PLXND1: variants seen among roughly 807,000 people sequenced by gnomAD.
PLXND1 encodes plexin D1, also known as plexin-D1.
In PLXND1, 54 loss-of-function variants were observed where a neutral mutation model predicts 197.7. The observed-to-expected ratio is 0.27, with a 90% CI of 0.22 to 0.34. The LOEUF (loss-of-function observed/expected upper bound fraction) is 0.34. Among genes scored for constraint, PLXND1 ranks in the 10% least tolerant of loss-of-function variants. The pLI is 1.00. For synonymous variants in PLXND1, 1,180 were observed against 1,161.2 expected (o/e 1.02, Z -0.33); for missense variants, 2,127 against 2,699.2 (o/e 0.79, Z 4.70).
rs544615153 is a variant in PLXND1, at chr3:129,556,400, G to A, written c.5690C>T (p.Thr1897Met). The A allele has an allele frequency of 2.7e-5, 43 of 1,614,094 alleles. No individual in the cohort carries two copies. Among genetic ancestry groups the A allele is most frequent in the African/African-American group, 5.3e-5 (4 of 75,064 alleles). Reference protein sequence around the residue: ...QIMAALEANPTARRTQLQHKF... With the variant: ...QIMAALEANPMARRTQLQHKF... The stretch of plus-strand genomic sequence containing the variant: ...GTGCTGCAGTTGTGTCCTCCGGGCC[G>A]TGGGGTTGGCCTCCAGCGCGGCCAT... The change falls in exon 36 of 36, where the codon ACG becomes ATG. Residue 1897 changes from threonine (T) to methionine (M), a missense_variant. Around this residue, in one of 6 missense-constraint regions of PLXND1, gnomAD observed 200 missense variants for 303.3 expected, o/e 0.66. Transcript: ENST00000324093.
rs771856633 is a variant in PLXND1 at position 129,562,906 on chromosome 3, G to A, written c.4706C>T (p.Ser1569Leu). The change falls in exon 27 of 36, where the codon TCG (serine) becomes TTG (leucine). Residue 1569 changes from serine to leucine, a missense_variant. Physicochemically the swap from Ser to Leu is moderately radical, Grantham distance 145. Around this residue, in one of 6 missense-constraint regions of PLXND1, gnomAD observed 532 missense variants for 811.0 expected, o/e 0.66. Transcript: ENST00000324093. ...NVSFQGCGMD[S>L]LSVRAMDTDT... ...GGTGTCCATGGCCCGCACGCTCAGC[G>A]AGTCCATGCCACAGCCCTGGAAGGA... 8.7e-6 allele frequency: 14 copies of A among 1,608,812 alleles called. No individual in the cohort carries two copies. The highest frequency in any genetic ancestry group is 1.7e-5 in the Admixed American group (1 of 59,924).
chr3:129,570,978 C>T (rs758898068), intron 18 of PLXND1, 43 bp from the exon 19 acceptor site: 46 of 1,613,650 alleles, frequency 2.9e-5, no homozygotes, highest in African/African-American at 1.2e-4. Flanking sequence ...GAAGTGCTCC[C>T]GAGGCCCACA....
chr3:129,571,188 G>A lies in PLXND1; in HGVS notation c.3452C>T (p.Ala1151Val), dbSNP rs1578321790. ...INGRAYADEV[A>V]VAEELLDPEE... ...GGGGTCCAGTAGCTCCTCAGCCACA[G>A]CCACCTCGTCTGCGTAGGCCCGCCC... Residue 1151 changes from alanine to valine, a missense_variant, in exon 18 of 36, where the codon GCT becomes GTT. By Grantham distance (64) the Ala-to-Val change is moderately conservative. Coordinates refer to ENST00000324093, the MANE Select transcript of PLXND1 (RefSeq NM_015103.3). The A allele has an allele frequency of 1.9e-6, 3 of 1,614,212 alleles. No homozygotes were observed. The highest frequency in any genetic ancestry group is 1.7e-6 in the Non-Finnish European group (2 of 1,180,028).
At chr3:129,574,586 C>A in intron 11 of PLXND1, 96 bp from the exon 12 acceptor site, 3 of 1,276,274 alleles carry the variant, frequency 2.4e-6, no homozygotes, top group Non-Finnish European at 3.3e-6. Flanking sequence ...AAGAGGTCTG[C>A]GCCCCATCAT....
At position 129,570,810 on chromosome 3, in the gene PLXND1, C is replaced by T. The variant is rs151293415; in HGVS notation, c.3726G>A (p.Ala1242=). 215 of 1,614,040 alleles carry T rather than the reference C, an allele frequency of 1.3e-4. No homozygotes were observed. Among genetic ancestry groups the T allele is most frequent in the Non-Finnish European group, 1.7e-4 (204 of 1,179,986 alleles). Residue 1242 remains alanine (A), a synonymous_variant, in exon 19 of 36, where the codon GCG becomes GCA. Coordinates refer to ENST00000324093, the MANE Select transcript of PLXND1 (RefSeq NM_015103.3). Reference sequence around the variant, plus strand: ...CTGTGATGGGCAGCTGCCCCACGGCCGCGCCCAGGGACTCGTTGACCGAGC... The same window carrying T: ...CTGTGATGGGCAGCTGCCCCACGGCTGCGCCCAGGGACTCGTTGACCGAGC... ...IHCSVNESLG[A]AVGQLPITIQ... is the part of the protein sequence containing the mutation.
intron 14 of PLXND1, 28 bp from the exon 15 acceptor site, chr3:129,572,776 C>T (rs757619157): frequency 6.2e-7 from 1 of 1,602,766 alleles, no homozygotes; most frequent in African/African-American, 1.3e-5. Context: ...GCGTTTGGGC[C>T]TCGGGCCAGC....
chr3:129,563,161 G>A lies in PLXND1; in HGVS notation c.4601C>T (p.Thr1534Ile). 2 of 1,612,138 alleles carry A rather than the reference G, an allele frequency of 1.2e-6. No homozygotes were observed. The highest frequency in any genetic ancestry group is 1.1e-5 in the South Asian group (1 of 90,754). ...ACTGAGTGTGTAGCGGGCCTTGCCTGTGATGGCGTCGATGGAGCCCTTGTT... is the reference window on the plus strand; with the variant it reads ...ACTGAGTGTGTAGCGGGCCTTGCCTATGATGGCGTCGATGGAGCCCTTGTT... Reference protein sequence around the residue: ...QINKGSIDAITGKARYTLSEE... With the variant: ...QINKGSIDAIIGKARYTLSEE... Residue 1534 changes from threonine (T) to isoleucine (I), a missense_variant, in exon 26 of 36, where the codon ACA (threonine) becomes ATA (isoleucine). Transcript: ENST00000324093.
intron 2 of PLXND1, among the ~76,000 whole-genome samples, chr3:129,588,284 G>A (rs1463579252): frequency 2.0e-5 from 3 of 151,900 alleles, no homozygotes; most frequent in Non-Finnish European, 4.4e-5. Context: ...AGGGGTGTGA[G>A]AATTAAGTGA....
In PLXND1 at chr3:129,577,560, C is replaced by T. The variant is rs1444074493; in HGVS notation, c.2346+769G>A. Among the ~76,000 whole-genome samples the T allele has an allele frequency of 6.6e-6, 1 of 152,098 alleles. No individual in the cohort carries two copies. Among genetic ancestry groups the T allele is most frequent in the African/African-American group, 2.4e-5 (1 of 41,452 alleles). On this transcript the variant is annotated intron_variant, in intron 9 of 35. Coordinates refer to ENST00000324093, the MANE Select transcript of PLXND1 (RefSeq NM_015103.3). This position sits in a 1 kb window ranked among gnomAD's most constrained non-coding sequence, Gnocchi z 5.0. ...ACATCCCAGATGCCCGGCACGTGGC[C>T]ACCACGTGTGACAGCTCTCACGGGC...
chr3:129,596,051 C>T (rs1013695843), intron 1 of PLXND1, among the ~76,000 whole-genome samples: 1 of 152,126 alleles, frequency 6.6e-6, no homozygotes, highest in Non-Finnish European at 1.5e-5. Context: ...CTCTGAACCT[C>T]GGACTCCACA....
rs2085087980 is a variant in PLXND1 at position 129,563,191 on chromosome 3, T to C, written c.4571A>G (p.Gln1524Arg). 2 of 1,612,550 alleles carry C rather than the reference T, an allele frequency of 1.2e-6. No homozygotes were observed. The highest frequency in any genetic ancestry group is 1.7e-6 in the Non-Finnish European group (2 of 1,179,296). Residue 1524 changes from glutamine (Q) to arginine (R), a missense_variant, in exon 26 of 36, where the codon CAA becomes CGA. By Grantham distance (43) the Gln-to-Arg change is conservative. Around this residue, in one of 6 missense-constraint regions of PLXND1, gnomAD observed 532 missense variants for 811.0 expected, o/e 0.66. Transcript: ENST00000324093. Reference sequence around the variant, plus strand: ...GGCGTCGATGGAGCCCTTGTTGATTTGCTGCTTGATGGCACACAGCAGCAG... The same window carrying C: ...GGCGTCGATGGAGCCCTTGTTGATTCGCTGCTTGATGGCACACAGCAGCAG... The part of the protein sequence containing the change: ...FFLLLCAIKQ[Q>R]INKGSIDAIT...
chr3:129,606,642 G>C lies in PLXND1; in HGVS notation c.-3C>G. The C allele has an allele frequency of 4.0e-6, 4 of 1,008,508 alleles. No homozygotes were observed. Among genetic ancestry groups the C allele is most frequent in the Admixed American group, 5.8e-5 (1 of 17,266 alleles). The allele number at this position is 1,008,508 out of a possible 1,614,324, so 62.5% of individuals were successfully genotyped here. A position where few individuals can be genotyped will look rare whatever the true frequency, so the allele number is the denominator to read the frequency against. ...CCGCCCGCGGCGCGAGGAGCCATCCGGGCGTGCGCGGGCTGCGCGGCGCGG... is the reference window on the plus strand; with the variant it reads ...CCGCCCGCGGCGCGAGGAGCCATCCCGGCGTGCGCGGGCTGCGCGGCGCGG... On this transcript the variant is annotated 5_prime_UTR_variant, in exon 1 of 36. Transcript: ENST00000324093.
In PLXND1 at chr3:129,606,157, C is replaced by A; in HGVS notation, c.483G>T (p.Val161=). ...RRRGNISAVA[V]RFPPAAPPAE... is the part of the protein sequence containing the mutation. ...CGGGCGGCGCGGCGGGCGGGAAGCG[C>A]ACGGCCACGGCCGAGATGTTGCCCC... The change falls in exon 1 of 36, where the codon GTG becomes GTT. Residue 161 remains valine (V), a synonymous_variant. Coordinates refer to ENST00000324093, the MANE Select transcript of PLXND1 (RefSeq NM_015103.3). 3.3e-6 allele frequency: 5 copies of A among 1,521,872 alleles called. No homozygotes were observed. Among genetic ancestry groups the A allele is most frequent in the Non-Finnish European group, 4.4e-6 (5 of 1,141,684 alleles). 94.3% of individuals were successfully genotyped at this position (1,521,872 alleles called of 1,614,324 possible). A position where few individuals can be genotyped will look rare whatever the true frequency, so the allele number is the denominator to read the frequency against.
In PLXND1 at chr3:129,575,445, T is replaced by C. The variant is rs780557349; in HGVS notation, c.2530+24A>G. 2.3e-5 allele frequency: 34 copies of C among 1,460,848 alleles called. No individual in the cohort carries two copies. In the East Asian group the frequency reaches 4.0e-4, roughly 17 times the overall value. The allele number at this position is 1,460,848 out of a possible 1,614,324, so 90.5% of individuals were successfully genotyped here. On this transcript the variant is annotated intron_variant, in intron 11 of 35. Transcript: ENST00000324093. ...CCACTGCACTGAGGCCCCGAGGCCA[T>C]GTGGGGCGGGTGGGGGTGCCCACCT...
chr3:129,560,204 A>C (rs2085036648), intron 31 of PLXND1, 126 bp downstream of exon 31: 3 of 645,670 alleles, frequency 4.6e-6, no homozygotes, highest in African/African-American at 1.8e-5. Context: ...CCCACAGGGG[A>C]AACAGGAAGA....
At chr3:129,563,288 C>T (rs1312614321) in intron 25 of PLXND1, 48 bp from the exon 26 acceptor site, 3 of 1,520,074 alleles carry the variant, frequency 2.0e-6, no homozygotes, top group Middle Eastern at 3.5e-4. Context: ...TGTATTCCAG[C>T]CCCCATGCTT....
intron 1 of PLXND1, among the ~76,000 whole-genome samples, chr3:129,596,550 C>T (rs2085627005): frequency 6.6e-6 from 1 of 152,136 alleles, no homozygotes; most frequent in South Asian, 2.1e-4. Flanking sequence ...GGCTTCCCTC[C>T]CCCCAGCAGG....
rs761972835 is a variant in PLXND1, at chr3:129,589,450, C to A, written c.1389G>T (p.Thr463=). 6 of 1,611,440 alleles carry A rather than the reference C, an allele frequency of 3.7e-6. No homozygotes were observed. The highest frequency in any genetic ancestry group is 5.1e-6 in the Non-Finnish European group (6 of 1,179,402). The change falls in exon 2 of 36, where the codon ACG becomes ACT. Residue 463 remains threonine (T), a synonymous_variant. Coordinates refer to ENST00000324093, the MANE Select transcript of PLXND1 (RefSeq NM_015103.3). ...TGAGGCCCGGGGCGCGGAACACGGG[C>A]GTGGCCTTCAGGGGCTGCAGGATGG... ...PLSILQPLKA[T]PVFRAPGLTS...
Position 129,567,617 on chromosome 3 carries a change from C to CG in PLXND1, c.3974-14dup. The stretch of plus-strand genomic sequence containing the variant: ...AGCTCAGCGAAGCCTGGCGGACACA[C>CG]GGACAGCCGTGAGCGGCCCGAGAAC... On this transcript the variant is annotated splice_polypyrimidine_tract_variant and intron_variant, in intron 21 of 35. Coordinates refer to ENST00000324093, the MANE Select transcript of PLXND1 (RefSeq NM_015103.3). The CG allele has an allele frequency of 1.9e-6, 3 of 1,601,942 alleles. No individual in the cohort carries two copies. In the South Asian group the frequency reaches 3.3e-5, roughly 18 times the overall value.
Sources: allele counts gnomAD v4.1 joint callset (sites outside exome capture counted in the v4.1 genomes callset), GRCh38; gene constraint gnomAD v4.1.1; regional missense constraint gnomAD v4.1.1; non-coding constraint Gnocchi (gnomAD v3.1); transcripts MANE v1.5; gene names NCBI Gene and HGNC (gene_info 2026-07-23, HGNC 2026-07-21).